Variants in SLC16A6 observed in about 807,000 individuals in gnomAD.
SLC16A6 encodes the protein monocarboxylate transporter 7.
Under a neutral mutation model 33.8 loss-of-function variants are expected in SLC16A6, and 15 were observed. That is an observed-to-expected ratio of 0.44 (90% CI 0.30 to 0.68). The LOEUF (loss-of-function observed/expected upper bound fraction) is 0.68. Among genes scored for constraint, SLC16A6 ranks in the 30% least tolerant of loss-of-function variants. The pLI is 0.10. For missense variants in SLC16A6, 451 were observed against 661.5 expected, an observed-to-expected ratio of 0.68 and a Z score of 3.49; for synonymous variants, 219 against 248.4, an observed-to-expected ratio of 0.88 and a Z score of 1.11.
chr17:68,270,503 G>A (rs2075302166), intron 5 of SLC16A6, among the ~76,000 whole-genome samples: 1 of 150,608 alleles, frequency 6.6e-6, no homozygotes, highest in African/African-American at 2.4e-5. Context: ...GCAGTGAGCT[G>A]AGACTGCGCC....
intron 1 of SLC16A6, among the ~76,000 whole-genome samples, chr17:68,289,816 A>G (rs1403200805): frequency 2.0e-5 from 3 of 152,168 alleles, no homozygotes; most frequent in Non-Finnish European, 4.4e-5. Context: ...ACAGAAGGAA[A>G]ACTCAGGGTT....
intron 1 of SLC16A6, among the ~76,000 whole-genome samples, chr17:68,285,376 A>G (rs2075817426): frequency 6.6e-6 from 1 of 151,906 alleles, no homozygotes; most frequent in Non-Finnish European, 1.5e-5. Context: ...CAGCCTCAAA[A>G]CTCCTGGGCT....
At chr17:68,273,023 T>C (rs2075391899) in intron 3 of SLC16A6, among the ~76,000 whole-genome samples, 1 of 152,054 alleles carries the variant, frequency 6.6e-6, no homozygotes, top group African/African-American at 2.4e-5. Context: ...TTTTTTCAAA[T>C]TTATATAATT....
intron 2 of SLC16A6, among the ~76,000 whole-genome samples, chr17:68,276,375 T>A (rs1455216546): frequency 6.6e-6 from 1 of 152,184 alleles, no homozygotes; most frequent in Non-Finnish European, 1.5e-5. Context: ...AGCAATAACT[T>A]CAGAGATAAC....
chr17:68,278,558 C>T (rs1211859183), intron 1 of SLC16A6, among the ~76,000 whole-genome samples: 14 of 151,996 alleles, frequency 9.2e-5, no homozygotes, highest in Non-Finnish European at 1.9e-4. Flanking sequence ...CGTCAGCCTC[C>T]CAAGTAGCTG....
intron 1 of SLC16A6, among the ~76,000 whole-genome samples, chr17:68,279,072 A>AT (rs1555751968): frequency 6.6e-6 from 1 of 152,190 alleles, no homozygotes; most frequent in Non-Finnish European, 1.5e-5. Flanking sequence ...AGAGCAGAAT[A>AT]TTTAGAAGCA....
chr17:68,284,222 G>A (rs1056985681), intron 1 of SLC16A6, among the ~76,000 whole-genome samples: 1 of 151,380 alleles, frequency 6.6e-6, no homozygotes, highest in Non-Finnish European at 1.5e-5. Context: ...CCAACATGGT[G>A]AAACCCGGTG....
intron 3 of SLC16A6, 113 bp from the exon 4 acceptor site, chr17:68,272,880 G>C: frequency 7.7e-7 from 1 of 1,291,966 alleles, no homozygotes; most frequent in Non-Finnish European, 1.1e-6. Context: ...TAAGTTCTAG[G>C]AGCCAAGTAA....
At chr17:68,290,917 CTAA>C (rs1555755639) in intron 1 of SLC16A6, among the ~76,000 whole-genome samples, 166 bp downstream of exon 1, 1 of 29,548 alleles carries the variant, frequency 3.4e-5, no homozygotes, top group East Asian at 8.3e-4. Context: ...CTGGGCATTC[CTAA>C]CTGTCAGAGC....
intron 4 of SLC16A6, 62 bp downstream of exon 4, chr17:68,272,577 C>G: frequency 6.3e-7 from 1 of 1,583,850 alleles, no homozygotes; most frequent in Non-Finnish European, 8.6e-7. Context: ...GTTAGCGTAG[C>G]AAGAATACCT....
chr17:68,286,913 A>G (rs1462273228), intron 1 of SLC16A6, among the ~76,000 whole-genome samples: 1 of 152,226 alleles, frequency 6.6e-6, no homozygotes, highest in African/African-American at 2.4e-5. Flanking sequence ...TCTTGCAAAC[A>G]TGGGTGTAAA....
At position 68,268,978 on chromosome 17, in the gene SLC16A6, T is replaced by C; in HGVS notation, c.*118A>G. 6.6e-7 allele frequency: 1 copy of C among 1,525,778 alleles called. No individual in the cohort carries two copies. Among genetic ancestry groups the C allele is most frequent in the Non-Finnish European group, 8.8e-7 (1 of 1,137,182 alleles). The allele number at this position is 1,525,778 out of a possible 1,614,324, so 94.5% of individuals were successfully genotyped here. ...GTGCTCTTCACATACACATTCCCTTTAAAATGTAGTTTTGAAAGTGGAGTA... is the reference window on the plus strand; with the variant it reads ...GTGCTCTTCACATACACATTCCCTTCAAAATGTAGTTTTGAAAGTGGAGTA... On this transcript the variant is annotated 3_prime_UTR_variant, in exon 6 of 6. Coordinates refer to ENST00000580666, the MANE Select transcript of SLC16A6 (RefSeq NM_004694.5).
At position 68,273,964 on chromosome 17, in the gene SLC16A6, C is replaced by A; in HGVS notation, c.339G>T (p.Glu113Asp). Residue 113 changes from glutamate (E) to aspartate (D), a missense_variant, in exon 3 of 6, where the codon GAG becomes GAT. Glu to Asp is a conservative substitution (Grantham distance 45). Transcript: ENST00000580666. Reference sequence around the variant, plus strand: ...CGATGGCGACGTACATATGAGAAACCTCTTGTGAGAAGGAGGCGGCCACCA... The same window carrying A: ...CGATGGCGACGTACATATGAGAAACATCTTGTGAGAAGGAGGCGGCCACCA... The part of the protein sequence containing the change: ...TGMVAASFSQ[E>D]VSHMYVAIGI... 1 of 1,614,168 alleles carries A rather than the reference C, an allele frequency of 6.2e-7. No homozygotes were observed. The highest frequency in any genetic ancestry group is 8.5e-7 in the Non-Finnish European group (1 of 1,180,028).
Position 68,273,765 on chromosome 17 carries a change from G to A in SLC16A6, c.376+162C>T, listed in dbSNP as rs139354354. The A allele has an allele frequency of 1.9e-3, 1,378 of 721,490 alleles. 32 individuals carry two copies. The East Asian group carries it at 0.035, about 19-fold the overall frequency. The allele number at this position is 721,490 out of a possible 1,614,324, so 44.7% of individuals were successfully genotyped here. A position where few individuals can be genotyped will look rare whatever the true frequency, so the allele number is the denominator to read the frequency against. ...AGAACAGATTCCCAGGTCCCCTGAA[G>A]TCCATATAGCTCAGTTCAAAACTAC... On this transcript the variant is annotated intron_variant, in intron 3 of 5. Transcript: ENST00000580666.
chr17:68,284,185 GAGGTCAGGAGT>G (rs2075789723), intron 1 of SLC16A6, among the ~76,000 whole-genome samples: 1 of 150,244 alleles, frequency 6.7e-6, no homozygotes, highest in Non-Finnish European at 1.5e-5. Context: ...TGGATCACTT[GAGGTCAGGAGT>G]TTGAGACCAG....
At chr17:68,273,550 G>C (rs574499309) in intron 3 of SLC16A6, among the ~76,000 whole-genome samples, 107 of 152,204 alleles carry the variant, frequency 7.0e-4, no homozygotes, top group African/African-American at 2.4e-3. Flanking sequence ...GGTTTTCTTA[G>C]GCCCCCAAGA....
chr17:68,275,022 C>T (rs781882801), intron 2 of SLC16A6, among the ~76,000 whole-genome samples: 25 of 152,122 alleles, frequency 1.6e-4, no homozygotes, highest in African/African-American at 3.1e-4. Flanking sequence ...TCAGGTGATC[C>T]GCCCACCTCG....
At chr17:68,273,417 C>T (rs2075408087) in intron 3 of SLC16A6, among the ~76,000 whole-genome samples, 1 of 152,032 alleles carries the variant, frequency 6.6e-6, no homozygotes, top group Admixed American at 6.6e-5. Flanking sequence ...GATGGAGTCT[C>T]CCTATGTTGC....
At position 68,286,748 on chromosome 17, in the gene SLC16A6, G is replaced by A. The variant is rs143118544; in HGVS notation, c.-8+4338C>T. 4.3e-3 allele frequency among the ~76,000 whole-genome samples: 649 copies of A among 152,200 alleles called. 4 individuals carry two copies. Among genetic ancestry groups the A allele is most frequent in the African/African-American group, 0.015 (611 of 41,508 alleles). ...TCGAACTCCTGACCTCAAGTGATCTGCCCGCCTTGGCCTCCCAAAGTGTGG... is the reference window on the plus strand; with the variant it reads ...TCGAACTCCTGACCTCAAGTGATCTACCCGCCTTGGCCTCCCAAAGTGTGG... On this transcript the variant is annotated intron_variant, in intron 1 of 5. Coordinates refer to ENST00000580666, the MANE Select transcript of SLC16A6 (RefSeq NM_004694.5).
Sources: gnomAD v4.1 joint callset for allele counts (sites outside exome capture counted in the v4.1 genomes callset) on GRCh38, gnomAD v4.1.1 for gene constraint, MANE v1.5 for transcripts, NCBI Gene and HGNC (gene_info 2026-07-23, HGNC 2026-07-21) for gene names.